The following FAH variants were observed in gnomAD, a reference collection of about 807,000 sequenced individuals.
The protein encoded by FAH is fumarylacetoacetase.
A neutral mutation model predicts 55.8 loss-of-function variants in FAH; 47 were observed. The ratio of observed to expected loss-of-function variants is 0.84; its 90% CI spans 0.67 to 1.07. FAH has a LOEUF of 1.07. Among genes scored for constraint, FAH ranks in the 50% least tolerant of loss-of-function variants. FAH has a pLI of 0.00. For synonymous variants in FAH, 199 were observed against 207.7 expected, an observed-to-expected ratio of 0.96 and a Z score of 0.36; for missense variants, 495 against 545.9, an observed-to-expected ratio of 0.91 and a Z score of 0.93.
chr15:80,160,619 T>C, intron 4 of FAH, 160 bp downstream of exon 4: 1 of 730,284 alleles, frequency 1.4e-6, no homozygotes, highest in South Asian at 1.5e-5. Context: ...TCACTGACCT[T>C]TCCCAGCATC....
chr15:80,166,515 G>A (rs1305110120), intron 5 of FAH: 3 of 152,014 alleles, frequency 2.0e-5, no homozygotes, highest in African/African-American at 7.3e-5. Flanking sequence ...TAGTTTACAA[G>A]AGTGTTTTAT....
intron 7 of FAH, 49 bp downstream of exon 7, chr15:80,168,365 A>G (rs149220827): frequency 6.2e-7 from 1 of 1,600,246 alleles, no homozygotes; most frequent in African/African-American, 1.3e-5. Flanking sequence ...GACACCCGGC[A>G]GGAGAGCCCT....
At chr15:80,163,900 C>T (rs989082321) in intron 5 of FAH, among the ~76,000 whole-genome samples, 1 of 152,074 alleles carries the variant, frequency 6.6e-6, no homozygotes, top group Non-Finnish European at 1.5e-5. Flanking sequence ...AAAAATTGGT[C>T]TATTCACAAT....
At chr15:80,178,058 G>A (rs1055302206) in intron 11 of FAH, among the ~76,000 whole-genome samples, 8 of 152,006 alleles carry the variant, frequency 5.3e-5, no homozygotes, top group Non-Finnish European at 7.4e-5. Context: ...AAATTAGCCG[G>A]GCGTGGTAGC....
chr15:80,160,376 A>G, intron 3 of FAH, 34 bp from the exon 4 acceptor site: 1 of 1,612,668 alleles, frequency 6.2e-7, no homozygotes, highest in Non-Finnish European at 8.5e-7. Flanking sequence ...TTTGCTGCCT[A>G]CTTGACTTTG....
rs1567117352 is a variant in FAH, at chr15:80,168,038, C to T, written c.456-14C>T. The stretch of plus-strand genomic sequence containing the variant: ...AGCTCTGATGCCCTGCATTCTCTTG[C>T]CTTCCTTTCTCAGGCTGCACTTACC... On this transcript the variant is annotated splice_polypyrimidine_tract_variant and intron_variant, in intron 5 of 13. Coordinates refer to ENST00000561421, the MANE Select transcript of FAH (RefSeq NM_000137.4). 1.2e-6 allele frequency: 2 copies of T among 1,608,384 alleles called. No individual in the cohort carries two copies. The highest frequency in any genetic ancestry group is 1.7e-6 in the Non-Finnish European group (2 of 1,174,982).
rs1392231179 is a variant in FAH at position 80,181,153 on chromosome 15, A to G, written c.1174A>G (p.Ile392Val). The G allele has an allele frequency of 1.2e-6, 2 of 1,609,438 alleles. No individual in the cohort carries two copies. The highest frequency in any genetic ancestry group is 2.7e-5 in the African/African-American group (2 of 74,862). The change falls in exon 13 of 14, where the codon ATA becomes GTA. Residue 392 changes from isoleucine to valine, a missense_variant. Coordinates refer to ENST00000561421, the MANE Select transcript of FAH (RefSeq NM_000137.4). ...KFLLDGDEVI[I>V]TGYCQGDGYR... ...TCTGCTGGACGGGGATGAAGTCATC[A>G]TAACAGGTGAGGGCTGCCAAACCCA...
At chr15:80,157,422 G>T in intron 1 of FAH, 1 of 159,136 alleles carries the variant, frequency 6.3e-6, no homozygotes, top group Non-Finnish European at 1.4e-5. Flanking sequence ...CAAAGCTCAG[G>T]GTTGTGGGGA....
intron 1 of FAH, among the ~76,000 whole-genome samples, chr15:80,154,368 G>A (rs2041080376): frequency 6.6e-6 from 1 of 152,224 alleles, no homozygotes; most frequent in African/African-American, 2.4e-5. Context: ...CTTTCTCAGG[G>A]GAATCGAATT....
In FAH at chr15:80,168,095, G is replaced by C; in HGVS notation, c.499G>C (p.Val167Leu). The change falls in exon 6 of 14, where the codon GTG becomes CTG. Residue 167 changes from valine (V) to leucine (L), a missense_variant. Transcript: ENST00000561421. ...CTACCATGGCCGTGCCTCCTCTGTC[G>C]TGGTGTCTGGCACCCCAATCCGAAG... ...VGYHGRASSV[V>L]VSGTPIRRPM... 3 of 1,614,092 alleles carry C rather than the reference G, an allele frequency of 1.9e-6. No homozygotes were observed. The highest frequency in any genetic ancestry group is 2.5e-6 in the Non-Finnish European group (3 of 1,180,026).
chr15:80,182,693 G>A (rs2041341151), intron 13 of FAH, among the ~76,000 whole-genome samples: 1 of 152,178 alleles, frequency 6.6e-6, no homozygotes, highest in South Asian at 2.1e-4. Context: ...CGAAAACTTA[G>A]GCTGATAGAA....
chr15:80,175,970 G>A (rs1014486681), intron 10 of FAH, among the ~76,000 whole-genome samples: 4 of 152,212 alleles, frequency 2.6e-5, no homozygotes, highest in African/African-American at 9.6e-5. Context: ...CCACACTCTG[G>A]CCAAATCTCC....
At chr15:80,159,609 A>C (rs1008664748) in intron 2 of FAH, 147 bp from the exon 3 acceptor site, 6 of 954,464 alleles carry the variant, frequency 6.3e-6, no homozygotes, top group African/African-American at 1.6e-5. Flanking sequence ...TGAATAAATG[A>C]CAAAACTAAG....
At chr15:80,171,915 C>T (rs1219433589) in intron 7 of FAH, among the ~76,000 whole-genome samples, 1 of 152,152 alleles carries the variant, frequency 6.6e-6, no homozygotes, top group Non-Finnish European at 1.5e-5. Context: ...TGCTTTGGAG[C>T]TCAGGGGAGT....
rs754226189 is a variant in FAH at position 80,159,854 on chromosome 15, A to C, written c.291A>C (p.Arg97Ser). 8.1e-6 allele frequency: 13 copies of C among 1,614,132 alleles called. No homozygotes were observed. Among genetic ancestry groups the C allele is most frequent in the Non-Finnish European group, 1.1e-5 (13 of 1,180,054 alleles). The change falls in exon 3 of 14, where the codon AGA (arginine) becomes AGC (serine). Residue 97 changes from arginine to serine, a missense_variant. Transcript: ENST00000561421. ...NLLSVSQARL[R>S]DDTELRKCAF... ...TGTCTGTGAGCCAAGCCAGGCTCAG[A>C]GATGACACCGAACTTCGGAAGTGGT...
intron 10 of FAH, among the ~76,000 whole-genome samples, chr15:80,176,541 G>T (rs994220358): frequency 1.3e-5 from 2 of 152,178 alleles, no homozygotes; most frequent in Non-Finnish European, 2.9e-5. Context: ...TGCTGGGCCC[G>T]CTCTTTCAGG....
chr15:80,180,570 T>G (rs968774406), intron 12 of FAH, among the ~76,000 whole-genome samples: 7 of 152,150 alleles, frequency 4.6e-5, no homozygotes, highest in Non-Finnish European at 1.0e-4. Flanking sequence ...GCTGTGCCCC[T>G]TCCCACCCGC....
Position 80,159,761 on chromosome 15 carries a change from A to C in FAH, c.198A>C (p.Thr66=). 1 of 1,614,128 alleles carries C rather than the reference A, an allele frequency of 6.2e-7. No individual in the cohort carries two copies. The highest frequency in any genetic ancestry group is 8.5e-7 in the Non-Finnish European group (1 of 1,180,030). ...SKHQDVFNQP[T]LNSFMGLGQA... ...TCTCCCTGTTTTGGTCTTAGCCTAC[A>C]CTCAACAGCTTCATGGGCCTGGGTC... Residue 66 remains threonine (T), a synonymous_variant, in exon 3 of 14, where the codon ACA becomes ACC. Transcript: ENST00000561421.
intron 4 of FAH, 84 bp from the exon 5 acceptor site, chr15:80,162,162 C>T: frequency 2.9e-6 from 3 of 1,018,274 alleles, no homozygotes; most frequent in Non-Finnish European, 4.7e-6. Context: ...TGTGTGCACA[C>T]TCGTGGCTCC....
Sources: gnomAD v4.1 joint callset for allele counts (sites outside exome capture counted in the v4.1 genomes callset) on GRCh38, gnomAD v4.1.1 for gene constraint, MANE v1.5 for transcripts, NCBI Gene and HGNC (gene_info 2026-07-23, HGNC 2026-07-21) for gene names.